RAB20: variants seen among roughly 807,000 people sequenced by gnomAD.
The protein encoded by RAB20 is RAB20, member RAS oncogene family.
A neutral mutation model predicts 3.7 loss-of-function variants in RAB20; 2 were observed. That is an observed-to-expected ratio of 0.54 (90% CI 0.22 to 1.69). The LOEUF is 1.69. Ranked by LOEUF, RAB20 falls within the 40% of genes most tolerant of loss-of-function variation. The pLI is 0.19. For synonymous variants in RAB20, 126 were observed against 130.8 expected, an observed-to-expected ratio of 0.96 and a Z score of 0.25; for missense variants, 276 against 311.9, an observed-to-expected ratio of 0.88 and a Z score of 0.87.
chr13:110,536,518 C>T (rs973687445), intron 1 of RAB20, among the ~76,000 whole-genome samples: 1 of 152,152 alleles, frequency 6.6e-6, no homozygotes, highest in African/African-American at 2.4e-5. Context: ...GGGGAAGAAT[C>T]AAGATGATGA....
chr13:110,541,887 A>T (rs1000606291), intron 1 of RAB20, among the ~76,000 whole-genome samples: 4 of 151,900 alleles, frequency 2.6e-5, no homozygotes, highest in African/African-American at 9.7e-5. Flanking sequence ...ACACATACTC[A>T]CAGTTGCATT....
chr13:110,523,351 G>C lies in RAB20; in HGVS notation c.*314C>G, dbSNP rs1434655058. The C allele has an allele frequency of 1.9e-6, 1 of 524,646 alleles. No individual in the cohort carries two copies. Among genetic ancestry groups the C allele is most frequent in the Non-Finnish European group, 3.3e-6 (1 of 304,240 alleles). The allele number at this position is 524,646 out of a possible 1,614,324, so 32.5% of individuals were successfully genotyped here. A position where few individuals can be genotyped will look rare whatever the true frequency, so the allele number is the denominator to read the frequency against. On this transcript the variant is annotated 3_prime_UTR_variant, in exon 2 of 2. Transcript: ENST00000267328. ...AGGCTTCTGCCTCTGCAAGGGCAAG[G>C]GGGCCGTTGGTGGCTGGCTGCAAAG...
intron 1 of RAB20, among the ~76,000 whole-genome samples, chr13:110,556,006 G>A (rs934936914): frequency 3.3e-5 from 5 of 152,208 alleles, no homozygotes; most frequent in Non-Finnish European, 7.3e-5. Flanking sequence ...TCCTCATTCT[G>A]GCCACTGTTC....
chr13:110,540,872 G>A (rs1415062257), intron 1 of RAB20, among the ~76,000 whole-genome samples: 1 of 152,156 alleles, frequency 6.6e-6, no homozygotes, highest in African/African-American at 2.4e-5. Flanking sequence ...AGAAGGCGAG[G>A]AGCTGGAAGA....
At chr13:110,542,821 C>T (rs1343190116) in intron 1 of RAB20, among the ~76,000 whole-genome samples, 1 of 152,214 alleles carries the variant, frequency 6.6e-6, no homozygotes, top group Admixed American at 6.5e-5. Flanking sequence ...AGATACCCAG[C>T]AGTGGGACTG....
At chr13:110,553,491 T>C (rs1285378018) in intron 1 of RAB20, among the ~76,000 whole-genome samples, 1 of 152,134 alleles carries the variant, frequency 6.6e-6, no homozygotes, top group Non-Finnish European at 1.5e-5. Context: ...AAGGGCCAGA[T>C]AGTAAATATG....
chr13:110,545,807 C>T (rs1404437169), intron 1 of RAB20, among the ~76,000 whole-genome samples: 1 of 152,094 alleles, frequency 6.6e-6, no homozygotes, highest in Non-Finnish European at 1.5e-5. Flanking sequence ...TAAAATATGC[C>T]CTGTAATGTT....
intron 1 of RAB20, among the ~76,000 whole-genome samples, chr13:110,552,630 T>C (rs191559168): frequency 2.0e-4 from 31 of 151,312 alleles, no homozygotes; most frequent in South Asian, 1.5e-3. Flanking sequence ...GAGGCGGAGC[T>C]TGCAGTGAGC....
At chr13:110,545,668 C>T (rs1884838625) in intron 1 of RAB20, among the ~76,000 whole-genome samples, 1 of 152,160 alleles carries the variant, frequency 6.6e-6, no homozygotes, top group Admixed American at 6.5e-5. Flanking sequence ...GACACATGGG[C>T]CCCCAGAGCT....
chr13:110,557,375 G>A (rs1885058210), intron 1 of RAB20, among the ~76,000 whole-genome samples: 1 of 152,188 alleles, frequency 6.6e-6, no homozygotes, highest in African/African-American at 2.4e-5. Context: ...CGAACAAAGA[G>A]GAGCAGGACT....
intron 1 of RAB20, among the ~76,000 whole-genome samples, chr13:110,531,154 A>G (rs895849765): frequency 2.0e-5 from 3 of 152,114 alleles, no homozygotes; most frequent in African/African-American, 4.8e-5. Context: ...ACAGATGGAG[A>G]AGGAGGTGGG....
Position 110,523,825 on chromosome 13 carries a change from G to A in RAB20, c.545C>T (p.Thr182Ile). The change falls in exon 2 of 2, where the codon ACC becomes ATC. Residue 182 changes from threonine to isoleucine, a missense_variant. Coordinates refer to ENST00000267328, the MANE Select transcript of RAB20 (RefSeq NM_017817.3). ...VPAAEQMCFE[T>I]SAKTGYNVDL... ...CACATTGTAGCCGGTCTTGGCGCTG[G>A]TCTCAAAGCACATTTGCTCAGCGGC... 6.2e-7 allele frequency: 1 copy of A among 1,614,198 alleles called. No individual in the cohort carries two copies. The highest frequency in any genetic ancestry group is 8.5e-7 in the Non-Finnish European group (1 of 1,180,038).
intron 1 of RAB20, among the ~76,000 whole-genome samples, chr13:110,557,949 G>A (rs987746026): frequency 6.6e-6 from 1 of 152,266 alleles, no homozygotes; most frequent in African/African-American, 2.4e-5. Flanking sequence ...TCAGAGCAAC[G>A]ATCAGATGTG....
intron 1 of RAB20, among the ~76,000 whole-genome samples, chr13:110,526,062 G>A (rs1884425216): frequency 6.6e-6 from 1 of 152,268 alleles, no homozygotes; most frequent in Non-Finnish European, 1.5e-5. Flanking sequence ...GCCATCCCAA[G>A]GAGCCTCTGC....
intron 1 of RAB20, among the ~76,000 whole-genome samples, chr13:110,558,846 C>T (rs746685638): frequency 8.6e-5 from 13 of 151,832 alleles, no homozygotes; most frequent in African/African-American, 1.7e-4. Context: ...TACAGGTGTG[C>T]GCCACCACGC....
intron 1 of RAB20, among the ~76,000 whole-genome samples, chr13:110,538,970 A>G (rs904533684): frequency 6.6e-6 from 1 of 152,222 alleles, no homozygotes; most frequent in Non-Finnish European, 1.5e-5. Context: ...GCCGGATATG[A>G]CTGTGGGAGT....
chr13:110,542,186 T>C (rs1388230358), intron 1 of RAB20, among the ~76,000 whole-genome samples: 3 of 152,346 alleles, frequency 2.0e-5, no homozygotes, highest in African/African-American at 7.2e-5. Context: ...TTCTCAGCTT[T>C]ACTGGGGTAT....
At chr13:110,535,347 A>C (rs1884621931) in intron 1 of RAB20, among the ~76,000 whole-genome samples, 1 of 152,158 alleles carries the variant, frequency 6.6e-6, no homozygotes, top group East Asian at 1.9e-4. Flanking sequence ...AACACCAGGT[A>C]CAGTTCCTGG....
chr13:110,530,507 G>A lies in RAB20; in HGVS notation c.173-6310C>T, dbSNP rs1482824034. Among the ~76,000 whole-genome samples, 19 of 11,916 alleles carry A rather than the reference G, an allele frequency of 1.6e-3. 3 individuals are homozygous for A. The highest frequency in any genetic ancestry group is 2.4e-3 in the Admixed American group (2 of 846). 7.8% of individuals were successfully genotyped at this position (11,916 alleles called of 152,430 possible). On this transcript the variant is annotated intron_variant, in intron 1 of 1. Coordinates refer to ENST00000267328, the MANE Select transcript of RAB20 (RefSeq NM_017817.3). ...GACCCTGGGGAAGTAGGTCCCACCC[G>A]CCCCACCTCTACACAGACACAGGAC...
Sources: gnomAD v4.1 joint callset for allele counts (sites outside exome capture counted in the v4.1 genomes callset) on GRCh38, gnomAD v4.1.1 for gene constraint, MANE v1.5 for transcripts, NCBI Gene and HGNC (gene_info 2026-07-23, HGNC 2026-07-21) for gene names.